DMD: variants seen among roughly 807,000 people sequenced by gnomAD.
DMD encodes the protein dystrophin.
In DMD, 63 loss-of-function variants were observed where a neutral mutation model predicts 330.1. The observed-to-expected ratio is 0.19, with a 90% CI of 0.16 to 0.24. The LOEUF (loss-of-function observed/expected upper bound fraction) is 0.24. DMD is among the 10% of genes least tolerant of loss of function. DMD has a pLI of 1.00. For missense variants in DMD, 3,344 were observed against 2,684.1 expected (o/e 1.25, Z -5.43); for synonymous variants, 1,223 against 959.8 (o/e 1.27, Z -5.07).
chrX:32,071,134 T>C (rs2096294226), intron 44 of DMD, among the ~76,000 whole-genome samples: 2 of 111,131 alleles, frequency 1.8e-5, no homozygotes, highest in Admixed American at 9.6e-5. Context: ...TACATGTGCA[T>C]GTGTCTTTAC....
chrX:33,236,554 C>G (rs758782757), intron 1 of DMD, among the ~76,000 whole-genome samples: 53 of 110,741 alleles, frequency 4.8e-4, no homozygotes, highest in Non-Finnish European at 8.3e-4. Context: ...TGTGAGCCAC[C>G]GCGTCCGGAC....
chrX:32,478,099 G>C (rs1297358442), intron 21 of DMD, among the ~76,000 whole-genome samples: 2 of 111,564 alleles, frequency 1.8e-5, no homozygotes, highest in Non-Finnish European at 3.8e-5. Flanking sequence ...ATAGTGCTTA[G>C]ATAGAAGCTG....
chrX:32,105,236 G>A (rs2096558999), intron 44 of DMD, among the ~76,000 whole-genome samples: 1 of 111,557 alleles, frequency 9.0e-6, no homozygotes, highest in African/African-American at 3.3e-5. Flanking sequence ...GGTAAGAATT[G>A]TAACATTAAG....
intron 1 of DMD, among the ~76,000 whole-genome samples, chrX:33,328,647 A>T (rs963636823): frequency 1.8e-5 from 2 of 111,557 alleles, no homozygotes; most frequent in African/African-American, 6.5e-5. Context: ...TCCAAAAGAG[A>T]CAAGGAGTTT....
At chrX:33,262,280 C>T (rs766579400) in intron 1 of DMD, among the ~76,000 whole-genome samples, 9 of 110,566 alleles carry the variant, frequency 8.1e-5, no homozygotes, top group Non-Finnish European at 1.3e-4. Context: ...TCATCCAGAA[C>T]GTAACACAGG....
At chrX:33,290,078 A>G (rs138441121) in intron 1 of DMD, among the ~76,000 whole-genome samples, 1,939 of 111,670 alleles carry the variant, frequency 0.017, 35 homozygotes, top group African/African-American at 0.059. Context: ...AAATGGAACT[A>G]CTATTTATTA....
intron 21 of DMD, among the ~76,000 whole-genome samples, chrX:32,476,106 C>T (rs1194489095): frequency 9.0e-6 from 1 of 111,239 alleles, no homozygotes; most frequent in Non-Finnish European, 1.9e-5. Context: ...TGGGCAGACA[C>T]ATGGCGGTAT....
chrX:31,427,165 TC>T (rs2063764824), intron 60 of DMD, among the ~76,000 whole-genome samples: 1 of 111,801 alleles, frequency 8.9e-6, no homozygotes. Flanking sequence ...TCTGCTGCCT[TC>T]CCCACCATAT....
intron 60 of DMD, among the ~76,000 whole-genome samples, chrX:31,396,482 T>C (rs2060945803): frequency 9.1e-6 from 1 of 109,588 alleles, no homozygotes; most frequent in South Asian, 3.9e-4. Flanking sequence ...TGTGCACTTG[T>C]ACTGAGTAAA....
intron 2 of DMD, among the ~76,000 whole-genome samples, chrX:32,883,823 CAAAAAA>C (rs56150142): frequency 2.0e-4 from 6 of 30,337 alleles, no homozygotes; most frequent in South Asian, 3.1e-3. Flanking sequence ...GACTCTGTTT[CAAAAAA>C]AAAAAAAAAA....
intron 47 of DMD, among the ~76,000 whole-genome samples, chrX:31,892,483 T>A (rs1024445955): frequency 1.3e-4 from 14 of 109,659 alleles, no homozygotes; most frequent in Non-Finnish European, 2.3e-4. Flanking sequence ...AAAAAAAGAA[T>A]CCAAAATATT....
At chrX:32,407,005 T>G (rs1392623609) in intron 30 of DMD, among the ~76,000 whole-genome samples, 8 of 111,349 alleles carry the variant, frequency 7.2e-5, no homozygotes, top group African/African-American at 2.6e-4. Context: ...CATGTTAGAC[T>G]TAAAACCATA....
intron 30 of DMD, among the ~76,000 whole-genome samples, chrX:32,401,790 C>T (rs914778060): frequency 3.6e-5 from 4 of 112,673 alleles, no homozygotes; most frequent in Non-Finnish European, 5.6e-5. Context: ...TTGATTGCTA[C>T]GCATTGCATG....
intron 2 of DMD, among the ~76,000 whole-genome samples, chrX:32,973,263 T>C (rs1393361936): frequency 8.9e-6 from 1 of 112,435 alleles, no homozygotes; most frequent in East Asian, 2.8e-4. Flanking sequence ...TATATACTTT[T>C]AAGACGTAAA....
chrX:33,200,814 A>G (rs901524618), intron 1 of DMD, among the ~76,000 whole-genome samples: 1 of 109,843 alleles, frequency 9.1e-6, no homozygotes, highest in Non-Finnish European at 1.9e-5. Flanking sequence ...AAGAAGATGC[A>G]TTTTAAATAA....
intron 44 of DMD, among the ~76,000 whole-genome samples, chrX:31,978,018 T>C (rs1348152998): frequency 8.9e-6 from 1 of 111,759 alleles, no homozygotes; most frequent in Non-Finnish European, 1.9e-5. Flanking sequence ...CTATAGGTTT[T>C]ACTTTCTTAT....
At chrX:33,203,819 C>G (rs1456967193) in intron 1 of DMD, among the ~76,000 whole-genome samples, 1 of 110,620 alleles carries the variant, frequency 9.0e-6, no homozygotes. Context: ...CCACGCGCTA[C>G]ATAAAAATAC....
chrX:33,160,651 G>C (rs899021822), intron 1 of DMD, among the ~76,000 whole-genome samples: 1 of 112,150 alleles, frequency 8.9e-6, no homozygotes, highest in African/African-American at 3.2e-5. Flanking sequence ...CTTAGATTGC[G>C]ATCTTTTGAA....
chrX:32,561,761 G>T (rs1204794322), intron 16 of DMD, among the ~76,000 whole-genome samples: 5 of 111,513 alleles, frequency 4.5e-5, no homozygotes, highest in Admixed American at 9.6e-5. Flanking sequence ...AGGTTTAAAT[G>T]AAAGAAAAAA....
Sources: allele counts gnomAD v4.1 joint callset (sites outside exome capture counted in the v4.1 genomes callset), GRCh38; gene constraint gnomAD v4.1.1; transcripts MANE v1.5; gene names NCBI Gene and HGNC (gene_info 2026-07-23, HGNC 2026-07-21).